Variants in PSD3 observed in about 807,000 individuals in gnomAD.
PSD3 encodes pleckstrin and Sec7 domain containing 3, also known as PH and SEC7 domain-containing protein 3.
Under a neutral mutation model 105.5 loss-of-function variants are expected in PSD3, and 49 were observed. The ratio of observed to expected loss-of-function variants is 0.46; its 90% CI spans 0.37 to 0.59. The LOEUF is 0.59. Among genes scored for constraint, PSD3 ranks in the 20% least tolerant of loss-of-function variants. The probability of loss-of-function intolerance (pLI) is 0.00; values close to 1 mark genes in which losing one functional copy is unlikely to be tolerated. For missense variants in PSD3, 1,561 were observed against 1,263.8 expected (o/e 1.24, Z -3.57); for synonymous variants, 557 against 457.8 (o/e 1.22, Z -2.77).
chr8:18,605,767 G>A (rs1164881921), intron 11 of PSD3, among the ~76,000 whole-genome samples: 2 of 152,084 alleles, frequency 1.3e-5, no homozygotes, highest in Non-Finnish European at 2.9e-5. Flanking sequence ...TACCTCCTTG[G>A]TGCTGTTCTC....
At position 19,036,504 on chromosome 8, in the gene PSD3, C is replaced by A. The variant is rs865995046; in HGVS notation, c.324+47702G>T. On this transcript the variant is annotated intron_variant, in intron 1 of 1. Coordinates refer to the PSD3 transcript ENST00000521475. Reference sequence around the variant, plus strand: ...GAGATCCTCTAATCCAGCTCTCTGCCTTCTAATAGGTAAAGTATTTTACAG... The same window carrying A: ...GAGATCCTCTAATCCAGCTCTCTGCATTCTAATAGGTAAAGTATTTTACAG... 3.9e-5 allele frequency among the ~76,000 whole-genome samples: 6 copies of A among 152,266 alleles called. No homozygotes were observed. The South Asian group carries it at 1.0e-3, about 26-fold the overall frequency.
intron 9 of PSD3, among the ~76,000 whole-genome samples, chr8:18,712,935 C>T (rs552758221): frequency 6.6e-6 from 1 of 152,138 alleles, no homozygotes; most frequent in South Asian, 2.1e-4. Flanking sequence ...ACTTATCCAC[C>T]ATGATGAAGT....
chr8:19,077,046 A>G (rs1217600498), intron 1 of PSD3, among the ~76,000 whole-genome samples: 2 of 152,002 alleles, frequency 1.3e-5, no homozygotes, highest in Non-Finnish European at 2.9e-5. Context: ...TTTATTTATT[A>G]TTTGTGCTGT....
intron 15 of PSD3, among the ~76,000 whole-genome samples, chr8:18,540,086 C>T (rs1243149356): frequency 1.3e-5 from 2 of 152,188 alleles, no homozygotes; most frequent in Non-Finnish European, 2.9e-5. Flanking sequence ...ACCCTTGTCT[C>T]TGTTAGTTTC....
intron 11 of PSD3, among the ~76,000 whole-genome samples, chr8:18,625,893 T>C (rs77643821): frequency 0.034 from 5,120 of 152,242 alleles, 123 homozygotes; most frequent in East Asian, 0.1. Flanking sequence ...ACTATTGTTA[T>C]TGTGTAGATC....
Position 18,632,809 on chromosome 8 carries a change from A to G in PSD3, c.2217-3T>C, listed in dbSNP as rs1039194166. 3.2e-6 allele frequency: 5 copies of G among 1,546,468 alleles called. No homozygotes were observed. Among genetic ancestry groups the G allele is most frequent in the African/African-American group, 2.8e-5 (2 of 72,716 alleles). ...ACTTTTTTTTCTCTTCATCATCTCT[A>G]AAAGGGAGAAAGCACAAAGACTGAG... is the stretch of plus-strand genomic sequence containing the variant. On this transcript the variant is annotated splice_region_variant and splice_polypyrimidine_tract_variant and intron_variant, in intron 10 of 15. Coordinates refer to ENST00000327040, the MANE Select transcript of PSD3 (RefSeq NM_015310.4).
chr8:18,903,049 G>A (rs560004461), intron 2 of PSD3, among the ~76,000 whole-genome samples: 39 of 152,118 alleles, frequency 2.6e-4, no homozygotes, highest in Non-Finnish European at 3.4e-4. Context: ...CTTGGAGTGC[G>A]AACTTGCTGT....
chr8:18,775,678 C>T (rs1007058971), intron 8 of PSD3, among the ~76,000 whole-genome samples: 3 of 152,096 alleles, frequency 2.0e-5, no homozygotes, highest in Admixed American at 1.3e-4. Flanking sequence ...ATTTTAAAAT[C>T]GAGTTATTTG....
At chr8:18,645,947 C>T (rs1415139817) in intron 10 of PSD3, among the ~76,000 whole-genome samples, 1 of 152,108 alleles carries the variant, frequency 6.6e-6, no homozygotes, top group Non-Finnish European at 1.5e-5. Context: ...TCTCTCTGCA[C>T]ACACTCAAAT....
At chr8:18,972,183 A>G (rs942266083) in intron 1 of PSD3, among the ~76,000 whole-genome samples, 3 of 152,158 alleles carry the variant, frequency 2.0e-5, no homozygotes, top group African/African-American at 7.2e-5. Context: ...AAACAAACCA[A>G]ATAGAGTGTC....
chr8:18,594,505 G>A (rs1334425122), intron 12 of PSD3, among the ~76,000 whole-genome samples: 1 of 140,716 alleles, frequency 7.1e-6, no homozygotes, highest in Non-Finnish European at 1.5e-5. Flanking sequence ...TTAGGTAAAC[G>A]AAAGTTGAGA....
intron 11 of PSD3, among the ~76,000 whole-genome samples, chr8:18,623,023 CAA>C (rs1248936006): frequency 1.3e-5 from 2 of 152,146 alleles, no homozygotes; most frequent in Non-Finnish European, 2.9e-5. Flanking sequence ...ATGGCGATCA[CAA>C]AGTCATTTTT....
chr8:18,819,532 G>C (rs969142372), intron 4 of PSD3, among the ~76,000 whole-genome samples: 6 of 148,592 alleles, frequency 4.0e-5, no homozygotes, highest in African/African-American at 1.5e-4. Flanking sequence ...TTAGTTCCTA[G>C]ACACATTTTT....
chr8:19,042,163 G>A (rs1263545209), intron 1 of PSD3, among the ~76,000 whole-genome samples: 1 of 152,190 alleles, frequency 6.6e-6, no homozygotes, highest in African/African-American at 2.4e-5. Flanking sequence ...TAATAAAAGG[G>A]AAGGGAAAGG....
chr8:18,843,595 C>G (rs975831078), intron 4 of PSD3, among the ~76,000 whole-genome samples: 1 of 152,092 alleles, frequency 6.6e-6, no homozygotes. Context: ...AATTTCAGTC[C>G]TCACCTAACA....
At chr8:18,740,134 C>A (rs1418687276) in intron 9 of PSD3, among the ~76,000 whole-genome samples, 2 of 152,170 alleles carry the variant, frequency 1.3e-5, no homozygotes, top group African/African-American at 4.8e-5. Context: ...TGGACCCACT[C>A]CACATTCCCC....
chr8:19,039,885 A>T (rs1259902686), intron 1 of PSD3, among the ~76,000 whole-genome samples: 1 of 152,206 alleles, frequency 6.6e-6, no homozygotes, highest in Non-Finnish European at 1.5e-5. Context: ...GACAATAAAC[A>T]TCTGCACAAA....
chr8:19,007,577 G>C (rs915434393), intron 1 of PSD3, among the ~76,000 whole-genome samples: 1 of 151,990 alleles, frequency 6.6e-6, no homozygotes, highest in Non-Finnish European at 1.5e-5. Context: ...CACAAGTTCT[G>C]AGTTCTTAGG....
At chr8:18,815,857 A>G (rs889269357) in intron 4 of PSD3, among the ~76,000 whole-genome samples, 3 of 152,138 alleles carry the variant, frequency 2.0e-5, no homozygotes, top group Non-Finnish European at 4.4e-5. Context: ...GTTTCCCCTA[A>G]GTGCTACCTA....
Sources: allele counts gnomAD v4.1 joint callset (sites outside exome capture counted in the v4.1 genomes callset), GRCh38; gene constraint gnomAD v4.1.1; transcripts MANE v1.5; gene names NCBI Gene and HGNC (gene_info 2026-07-23, HGNC 2026-07-21).